The following MANEA variants were observed in gnomAD, a reference collection of about 807,000 sequenced individuals.
The protein encoded by MANEA is glycoprotein endo-alpha-1,2-mannosidase.
Under a neutral mutation model 36.8 loss-of-function variants are expected in MANEA, and 25 were observed. The ratio of observed to expected loss-of-function variants is 0.68; its 90% confidence interval spans 0.50 to 0.95. MANEA has a LOEUF of 0.95. Among genes scored for constraint, MANEA ranks in the 40% least tolerant of loss-of-function variants. The pLI is 0.00. For synonymous variants in MANEA, 198 were observed against 188.5 expected (o/e 1.05, Z -0.41); for missense variants, 565 against 558.8 (o/e 1.01, Z -0.11).
At chr6:95,588,913 T>C (rs1018222912) in intron 2 of MANEA, among the ~76,000 whole-genome samples, 3 of 151,880 alleles carry the variant, frequency 2.0e-5, no homozygotes, top group Non-Finnish European at 4.4e-5. Context: ...TTTATGCCTA[T>C]TCATATTTAT....
chr6:95,606,168 T>C lies in MANEA; in HGVS notation c.1152T>C (p.Ile384=), dbSNP rs1004197070. Residue 384 remains isoleucine (I), a synonymous_variant, in exon 5 of 5, where the codon ATT becomes ATC. Coordinates refer to ENST00000358812, the MANE Select transcript of MANEA (RefSeq NM_024641.4). ...GAATCAATGGGAAGTATTATGAAATTGGTCTGAGTGCCGCACTTCAGACAC... is the reference window on the plus strand; with the variant it reads ...GAATCAATGGGAAGTATTATGAAATCGGTCTGAGTGCCGCACTTCAGACAC... ...RNRINGKYYE[I]GLSAALQTRP... is the part of the protein sequence containing the mutation. 2 of 1,614,084 alleles carry C rather than the reference T, an allele frequency of 1.2e-6. No homozygotes were observed. Among genetic ancestry groups the C allele is most frequent in the Non-Finnish European group, 1.7e-6 (2 of 1,179,990 alleles).
chr6:95,592,899 T>C (rs887001401), intron 2 of MANEA, among the ~76,000 whole-genome samples: 1 of 152,154 alleles, frequency 6.6e-6, no homozygotes, highest in Non-Finnish European at 1.5e-5. Context: ...TTAACTGTTA[T>C]CCTATTTGAA....
rs1340951226 is a variant in MANEA at position 95,606,959 on chromosome 6, A to G, written c.*554A>G. On this transcript the variant is annotated 3_prime_UTR_variant, in exon 5 of 5. Transcript: ENST00000358812. ...ACAAAATCACTGTACCTTCCTCTCA[A>G]TTTTGCTGTGAACCTGAAATGGCTT... The G allele has an allele frequency of 1.3e-5, 2 of 152,018 alleles. No homozygotes were observed. Among genetic ancestry groups the G allele is most frequent in the African/African-American group, 2.4e-5 (1 of 41,402 alleles). 9.4% of individuals were successfully genotyped at this position (152,018 alleles called of 1,614,324 possible). A position where few individuals can be genotyped will look rare whatever the true frequency, so the allele number is the denominator to read the frequency against.
chr6:95,603,540 ATTATATTTTTTTTAAATATTATTTAAC>A, intron 3 of MANEA, among the ~76,000 whole-genome samples: 1 of 151,890 alleles, frequency 6.6e-6, no homozygotes. Context: ...AAAGTAGAAA[ATTATATTTTTTTTAAATATTATTTAAC>A]TTTAAAATTA....
intron 2 of MANEA, among the ~76,000 whole-genome samples, chr6:95,589,549 A>C (rs573588901): frequency 6.6e-6 from 1 of 152,302 alleles, no homozygotes; most frequent in African/African-American, 2.4e-5. Flanking sequence ...TGTTATGTTT[A>C]AAATCCAATT....
At chr6:95,598,527 A>T (rs1306697754) in intron 3 of MANEA, among the ~76,000 whole-genome samples, 1 of 152,156 alleles carries the variant, frequency 6.6e-6, no homozygotes, top group African/African-American at 2.4e-5. Context: ...GATCTGAGAG[A>T]GAGTCTAATA....
intron 2 of MANEA, among the ~76,000 whole-genome samples, chr6:95,593,774 G>A (rs1179598671): frequency 6.6e-6 from 1 of 152,216 alleles, no homozygotes; most frequent in African/African-American, 2.4e-5. Context: ...CTGGCTGGGT[G>A]TGGTGGCTCA....
At position 95,586,603 on chromosome 6, in the gene MANEA, TG is replaced by T. The variant is rs754721172; in HGVS notation, c.168del (p.Asn58IlefsTer19). The T allele has an allele frequency of 6.2e-7, 1 of 1,614,100 alleles. No individual in the cohort carries two copies. The highest frequency in any genetic ancestry group is 1.1e-5 in the South Asian group (1 of 91,078). ...LPELHQRTIH[L>X]GKNFDFQKSD... ...GAACTTCATCAACGAACTATTCATTTGGGGAAAAATTTTGATTTCCAAAAGA... is the reference window on the plus strand; with the variant it reads ...GAACTTCATCAACGAACTATTCATTTGGGAAAAATTTTGATTTCCAAAAGA... On this transcript the variant is annotated frameshift_variant, in exon 2 of 5. Coordinates refer to ENST00000358812, the MANE Select transcript of MANEA (RefSeq NM_024641.4). LOFTEE classifies it high-confidence loss of function.
Position 95,586,823 on chromosome 6 carries a change from A to G in MANEA, c.384A>G (p.Leu128=). 6.2e-7 allele frequency: 1 copy of G among 1,613,894 alleles called. No homozygotes were observed. Among genetic ancestry groups the G allele is most frequent in the Non-Finnish European group, 8.5e-7 (1 of 1,179,792 alleles). ...ATATACATTGGAATCATCCAGTGTT[A>G]GAGCATTGGGACCCTAGAATAGCCA... is the stretch of plus-strand genomic sequence containing the variant. ...GKYIHWNHPV[L]EHWDPRIAKN... Residue 128 remains leucine, a synonymous_variant, in exon 2 of 5, where the codon TTA becomes TTG. Coordinates refer to ENST00000358812, the MANE Select transcript of MANEA (RefSeq NM_024641.4).
chr6:95,606,172 C>A lies in MANEA; in HGVS notation c.1156C>A (p.Leu386Met), dbSNP rs756778441. 6.2e-7 allele frequency: 1 copy of A among 1,613,950 alleles called. No homozygotes were observed. The highest frequency in any genetic ancestry group is 1.3e-5 in the African/African-American group (1 of 74,882). ...RINGKYYEIG[L>M]SAALQTRPSL... is the part of the protein sequence containing the mutation. ...CAATGGGAAGTATTATGAAATTGGT[C>A]TGAGTGCCGCACTTCAGACACGCCC... is the stretch of plus-strand genomic sequence containing the variant. The change falls in exon 5 of 5, where the codon CTG (leucine) becomes ATG (methionine). Residue 386 changes from leucine to methionine, a missense_variant. Physicochemically the swap from Leu to Met is conservative, Grantham distance 15. Transcript: ENST00000358812.
At position 95,606,432 on chromosome 6, in the gene MANEA, C is replaced by T. The variant is rs749513152; in HGVS notation, c.*27C>T. The stretch of plus-strand genomic sequence containing the variant: ...GCATTGATTAAAGTTTAATAGTTAT[C>T]AAAATCACCTAATTTTTAAAAATAG... On this transcript the variant is annotated 3_prime_UTR_variant, in exon 5 of 5. Coordinates refer to ENST00000358812, the MANE Select transcript of MANEA (RefSeq NM_024641.4). 8 of 1,502,842 alleles carry T rather than the reference C, an allele frequency of 5.3e-6. No individual in the cohort carries two copies. The African/African-American group carries it at 1.1e-4, about 21-fold the overall frequency. 93.1% of individuals were successfully genotyped at this position (1,502,842 alleles called of 1,614,324 possible).
In MANEA at chr6:95,606,126, G is replaced by A. The variant is rs1357837592; in HGVS notation, c.1110G>A (p.Thr370=). The A allele has an allele frequency of 8.7e-6, 14 of 1,613,838 alleles. No homozygotes were observed. Among genetic ancestry groups the A allele is most frequent in the South Asian group, 5.5e-5 (5 of 91,084 alleles). Residue 370 remains threonine (T), a synonymous_variant, in exon 5 of 5, where the codon ACG becomes ACA. Coordinates refer to ENST00000358812, the MANE Select transcript of MANEA (RefSeq NM_024641.4). The stretch of plus-strand genomic sequence containing the variant: ...ATACCAGCATCCGTCCATGGAACAC[G>A]CAAAACACTCGGAACCGAATCAATG... ...YIDTSIRPWN[T]QNTRNRINGK... is the part of the protein sequence containing the mutation.
At chr6:95,597,231 A>G (rs761773107) in intron 3 of MANEA, among the ~76,000 whole-genome samples, 31 of 152,160 alleles carry the variant, frequency 2.0e-4, no homozygotes, top group Admixed American at 1.8e-3. Flanking sequence ...ATTTTTCAAA[A>G]TCCAATTTTC....
chr6:95,580,454 G>A (rs1769158853), intron 1 of MANEA, among the ~76,000 whole-genome samples: 1 of 152,024 alleles, frequency 6.6e-6, no homozygotes, highest in Admixed American at 6.6e-5. Context: ...GGCCGGGCAC[G>A]GTGGCTCACA....
At position 95,607,313 on chromosome 6, in the gene MANEA, A is replaced by G. The variant is rs915262869; in HGVS notation, c.*908A>G. ...TCTTGTCGATCTTTAAGTTGTTACT[A>G]TTGTGTTATTCATGTCTTTAAATCA... On this transcript the variant is annotated 3_prime_UTR_variant, in exon 5 of 5. Coordinates refer to ENST00000358812, the MANE Select transcript of MANEA (RefSeq NM_024641.4). The G allele has an allele frequency of 3.3e-5, 5 of 152,090 alleles. No homozygotes were observed. The highest frequency in any genetic ancestry group is 4.4e-5 in the Non-Finnish European group (3 of 67,964). 9.4% of individuals were successfully genotyped at this position (152,090 alleles called of 1,614,324 possible). A position where few individuals can be genotyped will look rare whatever the true frequency, so the allele number is the denominator to read the frequency against.
In MANEA at chr6:95,606,402, T is replaced by G; in HGVS notation, c.1386T>G (p.Ser462=). 6.3e-7 allele frequency: 1 copy of G among 1,585,382 alleles called. No homozygotes were observed. The part of the protein sequence containing the change: ...TYALDRQLPV[S] ...CATTAGATCGCCAGCTGCCTGTTTC[T>G]TAATGCATTGATTAAAGTTTAATAG... The change falls in exon 5 of 5, where the codon TCT becomes TCG. Residue 462 remains serine, a synonymous_variant. Transcript: ENST00000358812.
intron 2 of MANEA, among the ~76,000 whole-genome samples, chr6:95,589,371 G>A (rs948753733): frequency 1.6e-4 from 25 of 152,118 alleles, no homozygotes; most frequent in African/African-American, 6.0e-4. Flanking sequence ...TGATATAAAT[G>A]GCCTTCTTTT....
intron 2 of MANEA, among the ~76,000 whole-genome samples, chr6:95,587,761 T>C (rs999095050): frequency 6.6e-6 from 1 of 152,120 alleles, no homozygotes; most frequent in Non-Finnish European, 1.5e-5. Context: ...TCTGTCAGTC[T>C]TAATGTCTGT....
Position 95,581,119 on chromosome 6 carries a change from G to T in MANEA, c.-39+3481G>T, listed in dbSNP as rs71560340. Among the ~76,000 whole-genome samples the T allele has an allele frequency of 4.8e-3, 733 of 152,244 alleles. 4 individuals carry two copies. Among genetic ancestry groups the T allele is most frequent in the Middle Eastern group, 0.01 (3 of 294 alleles). On this transcript the variant is annotated intron_variant, in intron 1 of 4. Transcript: ENST00000358812. ...AACTCAGAAAGATCAGGTCAGTTTT[G>T]TAGGTCAGATAACTAAAAAATGGCA...
Sources: gnomAD v4.1 joint callset for allele counts (sites outside exome capture counted in the v4.1 genomes callset) on GRCh38, gnomAD v4.1.1 for gene constraint, MANE v1.5 for transcripts, NCBI Gene and HGNC (gene_info 2026-07-23, HGNC 2026-07-21) for gene names.